The following SLC2A13 variants were observed in gnomAD, a reference collection of about 807,000 sequenced individuals.
SLC2A13 encodes proton myo-inositol cotransporter.
SLC2A13 carries 32 observed loss-of-function variants against 64.4 expected under a neutral mutation model. The ratio of observed to expected loss-of-function variants is 0.50; its 90% confidence interval spans 0.37 to 0.67. The LOEUF is 0.67. Among genes scored for constraint, SLC2A13 ranks in the 30% least tolerant of loss-of-function variants. The pLI, the probability that SLC2A13 is intolerant of heterozygous loss-of-function variation, is 0.00. For synonymous variants in SLC2A13, 338 were observed against 327.1 expected (o/e 1.03, Z -0.36); for missense variants, 743 against 829.2 (o/e 0.90, Z 1.28).
intron 4 of SLC2A13, among the ~76,000 whole-genome samples, chr12:39,891,880 A>T (rs1283648245): frequency 1.3e-5 from 2 of 152,180 alleles, no homozygotes; most frequent in Non-Finnish European, 2.9e-5. Context: ...AAGTGGTTTG[A>T]TCATTATTAT....
At chr12:39,883,539 T>A (rs982807930) in intron 4 of SLC2A13, among the ~76,000 whole-genome samples, 1 of 152,108 alleles carries the variant, frequency 6.6e-6, no homozygotes, top group African/African-American at 2.4e-5. Context: ...TTATTTAAAA[T>A]TTTTCTCAGG....
intron 3 of SLC2A13, among the ~76,000 whole-genome samples, chr12:40,001,916 A>T (rs942182228): frequency 3.3e-5 from 5 of 152,240 alleles, no homozygotes; most frequent in African/African-American, 4.8e-5. Context: ...AACATAATAA[A>T]GTTTCAAAGC....
intron 3 of SLC2A13, among the ~76,000 whole-genome samples, chr12:39,987,773 T>C (rs560442085): frequency 3.9e-5 from 6 of 152,320 alleles, no homozygotes; most frequent in Non-Finnish European, 7.4e-5. Context: ...TACAGTTTAA[T>C]CTTTTTAATA....
At chr12:39,865,142 A>T (rs932067686) in intron 5 of SLC2A13, among the ~76,000 whole-genome samples, 1 of 152,206 alleles carries the variant, frequency 6.6e-6, no homozygotes, top group African/African-American at 2.4e-5. Flanking sequence ...CAAACAGTAA[A>T]TTGGTAATGA....
intron 2 of SLC2A13, among the ~76,000 whole-genome samples, chr12:40,035,163 CAT>C (rs1402712116): frequency 9.2e-5 from 14 of 152,304 alleles, no homozygotes; most frequent in South Asian, 2.1e-4. Flanking sequence ...GGAATAATCA[CAT>C]GAGTGATGTG....
intron 7 of SLC2A13, among the ~76,000 whole-genome samples, chr12:39,765,372 C>G (rs1940310559): frequency 6.6e-6 from 1 of 152,028 alleles, no homozygotes; most frequent in South Asian, 2.1e-4. Context: ...TGCTCCGTGT[C>G]CTTGCTTCTC....
At chr12:39,846,612 T>C (rs190040317) in intron 6 of SLC2A13, among the ~76,000 whole-genome samples, 16 of 152,248 alleles carry the variant, frequency 1.1e-4, no homozygotes, top group Middle Eastern at 3.4e-3. Context: ...CCAACATGTG[T>C]GGCTAATTTT....
chr12:40,078,546 TTG>T (rs1565617613), intron 1 of SLC2A13, among the ~76,000 whole-genome samples: 1 of 152,206 alleles, frequency 6.6e-6, no homozygotes, highest in African/African-American at 2.4e-5. Context: ...TGCTAGTGTT[TTG>T]TTAAGGATTT....
intron 1 of SLC2A13, among the ~76,000 whole-genome samples, chr12:40,062,161 A>C (rs1399053036): frequency 6.6e-6 from 1 of 152,120 alleles, no homozygotes; most frequent in East Asian, 1.9e-4. Flanking sequence ...TCAATTGTTA[A>C]AAATTGATGT....
intron 1 of SLC2A13, among the ~76,000 whole-genome samples, chr12:40,081,330 T>C (rs949867260): frequency 6.6e-6 from 1 of 152,238 alleles, no homozygotes; most frequent in Admixed American, 6.5e-5. Context: ...CTTTCTCGAA[T>C]GTAAATGAGT....
intron 4 of SLC2A13, among the ~76,000 whole-genome samples, chr12:39,931,534 C>T (rs567779264): frequency 7.2e-5 from 11 of 152,022 alleles, no homozygotes; most frequent in Non-Finnish European, 1.3e-4. Flanking sequence ...ATGCTGGGGT[C>T]GGGAGAAAAT....
At chr12:39,930,798 C>T (rs1008022482) in intron 4 of SLC2A13, among the ~76,000 whole-genome samples, 28 of 152,146 alleles carry the variant, frequency 1.8e-4, no homozygotes, top group South Asian at 4.2e-4. Context: ...TTCAGAACAT[C>T]ATTTATTGTT....
intron 4 of SLC2A13, among the ~76,000 whole-genome samples, chr12:39,913,054 C>T (rs1217037996): frequency 6.6e-6 from 1 of 151,896 alleles, no homozygotes; most frequent in East Asian, 1.9e-4. Flanking sequence ...AAGTGCATTC[C>T]AGAGAAAGCC....
chr12:39,875,248 C>T (rs1944152877), intron 4 of SLC2A13, among the ~76,000 whole-genome samples: 1 of 152,132 alleles, frequency 6.6e-6, no homozygotes, highest in Admixed American at 6.6e-5. Flanking sequence ...AAATCATTTC[C>T]TTGTCTTTTG....
intron 2 of SLC2A13, among the ~76,000 whole-genome samples, chr12:40,041,492 G>A (rs576076650): frequency 1.3e-5 from 2 of 152,268 alleles, no homozygotes; most frequent in East Asian, 3.9e-4. Context: ...CATCTTGGGA[G>A]CTCCCATTAC....
chr12:39,857,273 T>C (rs1024867594), intron 6 of SLC2A13, among the ~76,000 whole-genome samples: 1 of 152,236 alleles, frequency 6.6e-6, no homozygotes, highest in Non-Finnish European at 1.5e-5. Context: ...CTAAGTACTG[T>C]GCTCATTATG....
At chr12:40,025,629 C>T (rs571321547) in intron 3 of SLC2A13, among the ~76,000 whole-genome samples, 4 of 152,300 alleles carry the variant, frequency 2.6e-5, no homozygotes, top group East Asian at 1.9e-4. Context: ...TCTTAAACAA[C>T]GTCTTTCTAA....
intron 3 of SLC2A13, among the ~76,000 whole-genome samples, chr12:40,003,114 C>T (rs1947347114): frequency 1.3e-5 from 2 of 152,236 alleles, no homozygotes; most frequent in Middle Eastern, 3.4e-3. Flanking sequence ...TGTTTGGGAA[C>T]CACTCCTGTA....
intron 1 of SLC2A13, among the ~76,000 whole-genome samples, chr12:40,070,502 C>G (rs1937911887): frequency 6.6e-6 from 1 of 152,080 alleles, no homozygotes; most frequent in Non-Finnish European, 1.5e-5. Flanking sequence ...GCATTCTGGT[C>G]CTTTCTCAAG....
Sources: allele counts gnomAD v4.1 joint callset (sites outside exome capture counted in the v4.1 genomes callset), GRCh38; gene constraint gnomAD v4.1.1; transcripts MANE v1.5; gene names NCBI Gene and HGNC (gene_info 2026-07-23, HGNC 2026-07-21).